Variants in COL5A2 observed in about 807,000 individuals in gnomAD.
COL5A2 encodes collagen alpha-2(V) chain.
A neutral mutation model predicts 208.2 loss-of-function variants in COL5A2; 23 were observed. That is an observed-to-expected ratio of 0.11 (90% CI 0.08 to 0.16). The LOEUF (loss-of-function observed/expected upper bound fraction) is 0.16. COL5A2 is among the 10% of genes least tolerant of loss of function. The probability of loss-of-function intolerance (pLI) is 1.00; values close to 1 mark genes in which losing one functional copy is unlikely to be tolerated. For synonymous variants in COL5A2, 625 were observed against 628.5 expected (o/e 0.99, Z 0.08); for missense variants, 1,590 against 1,956.4 (o/e 0.81, Z 3.53).
chr2:189,226,764 A>G (rs1689425477), upstream of COL5A2, among the ~76,000 whole-genome samples: 1 of 152,118 alleles, frequency 6.6e-6, no homozygotes, highest in Admixed American at 6.6e-5. Context: ...AAAGTGGAAC[A>G]CATGTCCAAC....
the COL5A2 span, among the ~76,000 whole-genome samples, chr2:189,360,920 C>T: frequency 9.9e-5 from 15 of 150,906 alleles, no homozygotes; most frequent in East Asian, 2.9e-3. Flanking sequence ...GCTTCCAGCT[C>T]CATCCAAGTC....
At chr2:189,243,001 G>T in the COL5A2 span, among the ~76,000 whole-genome samples, 1 of 152,162 alleles carries the variant, frequency 6.6e-6, no homozygotes, top group Non-Finnish European at 1.5e-5. Flanking sequence ...GCACTATTTT[G>T]ATGGGTTGGA....
chr2:189,285,009 A>G, the COL5A2 span, among the ~76,000 whole-genome samples: 2 of 149,498 alleles, frequency 1.3e-5, no homozygotes, highest in South Asian at 2.1e-4. Flanking sequence ...CCCTTCCTCT[A>G]TGACATCCAT....
At chr2:189,395,061 T>C in the COL5A2 span, among the ~76,000 whole-genome samples, 2 of 152,180 alleles carry the variant, frequency 1.3e-5, no homozygotes, top group African/African-American at 4.8e-5. Context: ...GAGAAAAGTA[T>C]CTCACTATAA....
At chr2:189,093,861 A>C (rs1252163261) in intron 6 of COL5A2, among the ~76,000 whole-genome samples, 1 of 152,182 alleles carries the variant, frequency 6.6e-6, no homozygotes, top group Non-Finnish European at 1.5e-5. Context: ...GCACAGACAA[A>C]ATAATAGTCT....
At chr2:189,330,191 A>C in the COL5A2 span, among the ~76,000 whole-genome samples, 2 of 152,156 alleles carry the variant, frequency 1.3e-5, no homozygotes, top group Non-Finnish European at 2.9e-5. Context: ...TCTGAAAGAA[A>C]TCCTCCTGAA....
chr2:189,108,706 T>G (rs1411520078), intron 2 of COL5A2, among the ~76,000 whole-genome samples: 1 of 151,940 alleles, frequency 6.6e-6, no homozygotes, highest in African/African-American at 2.4e-5. Flanking sequence ...ATTGTATTAA[T>G]TTTTTCTTTG....
chr2:189,196,291 A>T (rs1689000074), intron 1 of COL5A2, among the ~76,000 whole-genome samples: 1 of 150,716 alleles, frequency 6.6e-6, no homozygotes, highest in African/African-American at 2.4e-5. Context: ...TTTTTCCCTC[A>T]TTATGTATTA....
At chr2:189,121,341 C>T (rs1687495904) in intron 1 of COL5A2, among the ~76,000 whole-genome samples, 1 of 152,052 alleles carries the variant, frequency 6.6e-6, no homozygotes, top group South Asian at 2.1e-4. Context: ...GATTCCTTCT[C>T]TCTACCAACT....
At chr2:189,367,732 T>C in the COL5A2 span, among the ~76,000 whole-genome samples, 10 of 152,228 alleles carry the variant, frequency 6.6e-5, no homozygotes, top group Admixed American at 5.9e-4. Context: ...ATATTTCCAG[T>C]ATCAAGTCCT....
chr2:189,310,741 A>C, the COL5A2 span, among the ~76,000 whole-genome samples: 2 of 56 alleles, frequency 0.036, no homozygotes, highest in Non-Finnish European at 0.083. Context: ...TATCAAACCA[A>C]AAAAAAAAAG....
chr2:189,291,419 A>G, the COL5A2 span, among the ~76,000 whole-genome samples: 3 of 152,168 alleles, frequency 2.0e-5, no homozygotes, highest in African/African-American at 7.2e-5. Flanking sequence ...ACAATTTCAT[A>G]AGAATAAAAT....
intron 1 of COL5A2, among the ~76,000 whole-genome samples, chr2:189,212,991 C>A (rs1243495247): frequency 2.0e-5 from 3 of 151,840 alleles, no homozygotes; most frequent in African/African-American, 7.3e-5. Flanking sequence ...TGGGCTCAAG[C>A]AATTCTCCTG....
the COL5A2 span, among the ~76,000 whole-genome samples, chr2:189,289,203 G>A: frequency 6.6e-6 from 1 of 151,818 alleles, no homozygotes; most frequent in African/African-American, 2.4e-5. Flanking sequence ...TTAGCTGGGC[G>A]TGGTGGCGTA....
intron 1 of COL5A2, among the ~76,000 whole-genome samples, chr2:189,124,430 T>C (rs1195675981): frequency 6.6e-6 from 1 of 152,194 alleles, no homozygotes; most frequent in Non-Finnish European, 1.5e-5. Flanking sequence ...TATTTAGTTC[T>C]GTTTAGATTA....
At chr2:189,197,208 C>T (rs1056895649) in intron 1 of COL5A2, among the ~76,000 whole-genome samples, 7 of 152,188 alleles carry the variant, frequency 4.6e-5, no homozygotes, top group Admixed American at 1.3e-4. Flanking sequence ...CACAAGTTCT[C>T]ACTCATAAGT....
intron 9 of COL5A2, among the ~76,000 whole-genome samples, chr2:189,086,199 T>C (rs7421172): frequency 0.14 from 21,593 of 152,172 alleles, 1,517 homozygotes; most frequent in Middle Eastern, 0.19. Context: ...TTCTTTCTTT[T>C]AAAATATTAT....
At chr2:189,310,328 C>T in the COL5A2 span, among the ~76,000 whole-genome samples, 3 of 152,202 alleles carry the variant, frequency 2.0e-5, no homozygotes, top group Admixed American at 1.3e-4. Context: ...TGCTCAACAC[C>T]ACTGATCATC....
intron 1 of COL5A2, among the ~76,000 whole-genome samples, chr2:189,175,925 T>C (rs984126018): frequency 4.6e-5 from 7 of 152,342 alleles, no homozygotes; most frequent in African/African-American, 1.7e-4. Flanking sequence ...CTGAATGTCC[T>C]ACATGTTTCA....
Sources: gnomAD v4.1 joint callset for allele counts (sites outside exome capture counted in the v4.1 genomes callset) on GRCh38, gnomAD v4.1.1 for gene constraint, MANE v1.5 for transcripts, NCBI Gene and HGNC (gene_info 2026-07-23, HGNC 2026-07-21) for gene names.